Variants in CAMSAP2 observed in about 807,000 individuals in gnomAD.
CAMSAP2 encodes calmodulin regulated spectrin associated protein family member 2, also known as calmodulin-regulated spectrin-associated protein 2.
In CAMSAP2, 26 loss-of-function variants were observed where a neutral mutation model predicts 146.1. The ratio of observed to expected loss-of-function variants is 0.18; its 90% CI spans 0.13 to 0.25. CAMSAP2 has a LOEUF of 0.25. CAMSAP2 is among the 10% of genes least tolerant of loss of function. CAMSAP2 has a pLI of 1.00. For synonymous variants in CAMSAP2, 499 were observed against 596.6 expected (o/e 0.84, Z 2.38); for missense variants, 1,381 against 1,759.3 (o/e 0.78, Z 3.85).
rs768940574 is a variant in CAMSAP2, at chr1:200,849,280, A to C, written c.2511A>C (p.Ile837=). The C allele has an allele frequency of 6.8e-6, 11 of 1,614,032 alleles. No homozygotes were observed. Among genetic ancestry groups the C allele is most frequent in the Non-Finnish European group, 7.6e-6 (9 of 1,180,028 alleles). Residue 837 remains isoleucine, a synonymous_variant, in exon 11 of 17, where the codon ATA becomes ATC. Coordinates refer to ENST00000358823, the MANE Select transcript of CAMSAP2 (RefSeq NM_203459.4). This position sits in a 1 kb window ranked among gnomAD's most constrained non-coding sequence, Gnocchi z 6.3. ...DGQRSKSLAD[I]KESMENPQAK... ...AAAGGAGCAAGTCACTGGCAGATAT[A>C]AAAGAGAGCATGGAGAATCCTCAAG... is the stretch of plus-strand genomic sequence containing the variant.
chr1:200,792,660 G>C (rs988224142), intron 2 of CAMSAP2, among the ~76,000 whole-genome samples: 10 of 152,130 alleles, frequency 6.6e-5, no homozygotes, highest in African/African-American at 2.4e-4. Flanking sequence ...CAGTAGGGGT[G>C]GGGGAGAAGA....
At chr1:200,788,392 A>G (rs995872845) in intron 2 of CAMSAP2, among the ~76,000 whole-genome samples, 1 of 152,180 alleles carries the variant, frequency 6.6e-6, no homozygotes, top group Non-Finnish European at 1.5e-5. Flanking sequence ...CTATAGGTAT[A>G]TACCATGGAG....
chr1:200,802,902 T>C (rs1558183867), intron 2 of CAMSAP2, among the ~76,000 whole-genome samples: 1 of 152,202 alleles, frequency 6.6e-6, no homozygotes, highest in Admixed American at 6.5e-5. Context: ...AACACAGATA[T>C]AGAACCTAAT....
chr1:200,745,168 T>C (rs568745112), intron 1 of CAMSAP2, among the ~76,000 whole-genome samples: 115 of 152,140 alleles, frequency 7.6e-4, no homozygotes, highest in Non-Finnish European at 1.5e-3. Context: ...TAATTCTTTG[T>C]TGTTGGGGGC....
At chr1:200,798,155 G>T (rs1275198952) in intron 2 of CAMSAP2, among the ~76,000 whole-genome samples, 1 of 150,470 alleles carries the variant, frequency 6.6e-6, no homozygotes, top group Admixed American at 6.6e-5. Flanking sequence ...GGCAATGCGG[G>T]CTCTTTTTTG....
intron 2 of CAMSAP2, among the ~76,000 whole-genome samples, chr1:200,784,971 T>C (rs1468896155): frequency 2.0e-5 from 3 of 152,254 alleles, no homozygotes; most frequent in Non-Finnish European, 2.9e-5. Flanking sequence ...AAATCATGAA[T>C]AACTGCTGTA....
intron 3 of CAMSAP2, 58 bp downstream of exon 3, chr1:200,807,595 A>T (rs1666213512): frequency 1.2e-5 from 15 of 1,268,192 alleles, no homozygotes; most frequent in Non-Finnish European, 1.6e-5. Context: ...GTGAAATTCT[A>T]AATTATACAT....
At chr1:200,831,719 C>T (rs866937896) in intron 4 of CAMSAP2, among the ~76,000 whole-genome samples, 1 of 150,996 alleles carries the variant, frequency 6.6e-6, no homozygotes, top group South Asian at 2.1e-4. Context: ...TGATACTATT[C>T]CAGTTCCTCA....
At chr1:200,775,070 TAGTA>T (rs1226535974) in intron 2 of CAMSAP2, among the ~76,000 whole-genome samples, 2 of 152,092 alleles carry the variant, frequency 1.3e-5, no homozygotes, top group Non-Finnish European at 2.9e-5. Context: ...AAAAATAAAT[TAGTA>T]AGGAGCTACA....
At chr1:200,752,150 G>T (rs1664524211) in intron 1 of CAMSAP2, among the ~76,000 whole-genome samples, 1 of 151,882 alleles carries the variant, frequency 6.6e-6, no homozygotes. Flanking sequence ...ACCGTTGGGG[G>T]AAAAAAAGCA....
chr1:200,844,847 A>G lies in CAMSAP2; in HGVS notation c.1087A>G (p.Ser363Gly), dbSNP rs1353034925. 2 of 1,588,598 alleles carry G rather than the reference A, an allele frequency of 1.3e-6. No homozygotes were observed. Among genetic ancestry groups the G allele is most frequent in the Admixed American group, 1.8e-5 (1 of 55,674 alleles). The change falls in exon 8 of 17, where the codon AGT (serine) becomes GGT (glycine). Residue 363 changes from serine to glycine, a missense_variant. By Grantham distance (56) the Ser-to-Gly change is moderately conservative. This residue lies in a region of CAMSAP2 where 447 missense variants were observed against 462.2 expected (regional missense o/e 0.97). Transcript: ENST00000358823. ...TGCTGCCAAAAGAAATGTCTTAGATAGTAGTTCTGACTTCCCTTCAAGGTA... is the reference window on the plus strand; with the variant it reads ...TGCTGCCAAAAGAAATGTCTTAGATGGTAGTTCTGACTTCCCTTCAAGGTA... ...LNAAKRNVLD[S>G]SSDFPSSGEG...
In CAMSAP2 at chr1:200,850,121, T is replaced by C; in HGVS notation, c.3352T>C (p.Ser1118Pro). Reference sequence around the variant, plus strand: ...TGTTAATCTGATTGAAGTTTCCCTCTCAGATTTGAAACCCCCTGAAAAGGC... The same window carrying C: ...TGTTAATCTGATTGAAGTTTCCCTCCCAGATTTGAAACCCCCTGAAAAGGC... Reference protein sequence around the residue: ...KNVNLIEVSLSDLKPPEKADV... With the variant: ...KNVNLIEVSLPDLKPPEKADV... Residue 1118 changes from serine (S) to proline (P), a missense_variant, in exon 11 of 17, where the codon TCA becomes CCA. Coordinates refer to ENST00000358823, the MANE Select transcript of CAMSAP2 (RefSeq NM_203459.4). 1 of 1,614,088 alleles carries C rather than the reference T, an allele frequency of 6.2e-7. No individual in the cohort carries two copies. Among genetic ancestry groups the C allele is most frequent in the Non-Finnish European group, 8.5e-7 (1 of 1,179,994 alleles).
Position 200,786,444 on chromosome 1 carries a change from C to T in CAMSAP2, c.400-20932C>T, listed in dbSNP as rs374102879. The stretch of plus-strand genomic sequence containing the variant: ...TGTCGCCCAGGCTGGAGTGCAGTGG[C>T]GCAATCTCAGCTCGCTGCAGCCTCC... On this transcript the variant is annotated intron_variant, in intron 2 of 16. Transcript: ENST00000358823. Among the ~76,000 whole-genome samples, 66 of 150,984 alleles carry T rather than the reference C, an allele frequency of 4.4e-4. No individual in the cohort carries two copies. The East Asian group carries it at 5.4e-3, about 12-fold the overall frequency.
chr1:200,747,599 G>A (rs1664371155), intron 1 of CAMSAP2, among the ~76,000 whole-genome samples: 1 of 152,146 alleles, frequency 6.6e-6, no homozygotes, highest in Admixed American at 6.5e-5. Context: ...TCCTCAAGTG[G>A]GATGGGCTTT....
rs150595782 is a variant in CAMSAP2, at chr1:200,854,550, T to G, written c.3824-267T>G. Among the ~76,000 whole-genome samples, 130 of 152,314 alleles carry G rather than the reference T, an allele frequency of 8.5e-4. 1 individual carries two copies. Among genetic ancestry groups the G allele is most frequent in the African/African-American group, 3.1e-3 (130 of 41,564 alleles). ...TTTTCTTTAGGATCACAGTATCACGTCTCATATTAACACTTTCCTTTTGGA... is the reference window on the plus strand; with the variant it reads ...TTTTCTTTAGGATCACAGTATCACGGCTCATATTAACACTTTCCTTTTGGA... On this transcript the variant is annotated intron_variant, in intron 13 of 16. Coordinates refer to ENST00000358823, the MANE Select transcript of CAMSAP2 (RefSeq NM_203459.4).
At chr1:200,854,681 G>C (rs946592668) in intron 13 of CAMSAP2, 136 bp from the exon 14 acceptor site, 7 of 566,666 alleles carry the variant, frequency 1.2e-5, no homozygotes, top group Non-Finnish European at 2.2e-5. Flanking sequence ...AAAGTACAGA[G>C]AAAAGGAAAA....
In CAMSAP2 at chr1:200,848,739, C is replaced by T; in HGVS notation, c.1970C>T (p.Thr657Ile). The part of the protein sequence containing the change: ...LQDYDIRTGN[T>I]REALSPCPST... ...GATTATGATATTCGAACTGGCAACA[C>T]CAGGGAAGCTTTGAGTCCTTGTCCA... The change falls in exon 11 of 17, where the codon ACC becomes ATC. Residue 657 changes from threonine (T) to isoleucine (I), a missense_variant. By Grantham distance (89) the Thr-to-Ile change is moderately conservative (BLOSUM62 -1). Transcript: ENST00000358823. The T allele has an allele frequency of 6.2e-7, 1 of 1,614,132 alleles. No individual in the cohort carries two copies. The highest frequency in any genetic ancestry group is 1.3e-5 in the African/African-American group (1 of 75,032).
intron 4 of CAMSAP2, among the ~76,000 whole-genome samples, chr1:200,817,111 T>C (rs534606908): frequency 2.8e-5 from 4 of 144,614 alleles, no homozygotes; most frequent in Non-Finnish European, 6.2e-5. Context: ...TACACACACG[T>C]GTGTGTATAT....
intron 4 of CAMSAP2, among the ~76,000 whole-genome samples, chr1:200,817,189 C>CACATACACAT (rs1437563207): frequency 1.8e-5 from 2 of 112,048 alleles, no homozygotes; most frequent in African/African-American, 6.8e-5. Context: ...CACACACACA[C>CACATACACAT]ATGTGTGTGT....
Sources: allele counts gnomAD v4.1 joint callset (sites outside exome capture counted in the v4.1 genomes callset), GRCh38; gene constraint gnomAD v4.1.1; regional missense constraint gnomAD v4.1.1; non-coding constraint Gnocchi (gnomAD v3.1); transcripts MANE v1.5; gene names NCBI Gene and HGNC (gene_info 2026-07-23, HGNC 2026-07-21).